The following LEO1 variants were observed in gnomAD, a reference collection of about 807,000 sequenced individuals.
LEO1 encodes RNA polymerase-associated protein LEO1.
Under a neutral mutation model 80.4 loss-of-function variants are expected in LEO1, and 34 were observed. That is an observed-to-expected ratio of 0.42 (90% CI 0.32 to 0.56). LEO1 has a LOEUF of 0.56. Among genes scored for constraint, LEO1 ranks in the 20% least tolerant of loss-of-function variants. The probability of loss-of-function intolerance (pLI) is 0.10; values close to 1 mark genes in which losing one functional copy is unlikely to be tolerated. For missense variants in LEO1, 631 were observed against 814.2 expected, an observed-to-expected ratio of 0.77 and a Z score of 2.74; for synonymous variants, 262 against 274.9, an observed-to-expected ratio of 0.95 and a Z score of 0.46.
rs3803365 is a variant in LEO1 at position 51,971,422 on chromosome 15, T to C, written c.58+266A>G. On this transcript the variant is annotated intron_variant, in intron 1 of 11. Transcript: ENST00000299601. ...CCGCGCTGCGCAGGCTCGCCTGCACTTCCACCCATGCCCCGCGCCCCTTTC... is the reference window on the plus strand; with the variant it reads ...CCGCGCTGCGCAGGCTCGCCTGCACCTCCACCCATGCCCCGCGCCCCTTTC... Among the ~76,000 whole-genome samples the C allele has an allele frequency of 0.02, 3,026 of 152,288 alleles. 105 individuals are homozygous for C. Among genetic ancestry groups the C allele is most frequent in the East Asian group, 0.074 (382 of 5,180 alleles).
chr15:51,942,340 T>TC (rs1000595696), intron 11 of LEO1, among the ~76,000 whole-genome samples: 17 of 152,054 alleles, frequency 1.1e-4, no homozygotes, highest in African/African-American at 4.1e-4. Flanking sequence ...AGGTGGCCAT[T>TC]CCCAAGAGGC....
intron 11 of LEO1, among the ~76,000 whole-genome samples, chr15:51,945,879 G>A (rs769617351): frequency 4.6e-5 from 7 of 151,542 alleles, no homozygotes; most frequent in Non-Finnish European, 8.8e-5. Flanking sequence ...CTAAAAATAC[G>A]AAAAATTAGC....
At chr15:51,961,352 AGGTGGT>A (rs367548538) in intron 3 of LEO1, among the ~76,000 whole-genome samples, 1 of 139,828 alleles carries the variant, frequency 7.2e-6, no homozygotes, top group Non-Finnish European at 1.5e-5. Context: ...TTATAATACC[AGGTGGT>A]GGTGGTGGTG....
At position 51,965,993 on chromosome 15, in the gene LEO1, A is replaced by G. The variant is rs750797948; in HGVS notation, c.570T>C (p.Asp190=). 1 of 1,614,048 alleles carries G rather than the reference A, an allele frequency of 6.2e-7. No homozygotes were observed. The highest frequency in any genetic ancestry group is 8.5e-7 in the Non-Finnish European group (1 of 1,180,018). Residue 190 remains aspartate (D), a synonymous_variant, in exon 2 of 12, where the codon GAT becomes GAC. Transcript: ENST00000299601. ...DDDEKMQNTD[D]EERPQLSDDE... Reference sequence around the variant, plus strand: ...CATCGGAAAGCTGAGGCCTCTCCTCATCATCTGTGTTCTGCATTTTCTCAT... The same window carrying G: ...CATCGGAAAGCTGAGGCCTCTCCTCGTCATCTGTGTTCTGCATTTTCTCAT...
At chr15:51,952,999 A>T in intron 8 of LEO1, 130 bp downstream of exon 8, 1 of 736,048 alleles carries the variant, frequency 1.4e-6, no homozygotes, top group South Asian at 2.0e-5. Flanking sequence ...CTTCAGAACT[A>T]TGCACAAGAT....
chr15:51,958,738 G>C lies in LEO1; in HGVS notation c.1245+4C>G. 1.3e-6 allele frequency: 2 copies of C among 1,546,590 alleles called. No homozygotes were observed. Among genetic ancestry groups the C allele is most frequent in the Non-Finnish European group, 1.8e-6 (2 of 1,130,642 alleles). ...AAAAAAAAGGAAAAAGCATGAAATG[G>C]TACCTTTAATTTTAACCTGGTTCTA... On this transcript the variant is annotated splice_donor_region_variant and intron_variant, in intron 6 of 11. Transcript: ENST00000299601.
At chr15:51,960,426 TC>T (rs1566885870) in intron 4 of LEO1, among the ~76,000 whole-genome samples, 1 of 152,126 alleles carries the variant, frequency 6.6e-6, no homozygotes, top group Non-Finnish European at 1.5e-5. Context: ...CACAGTTCAG[TC>T]CCCTAAGGCA....
intron 1 of LEO1, among the ~76,000 whole-genome samples, chr15:51,968,465 T>C (rs1396389071): frequency 6.7e-6 from 1 of 150,198 alleles, no homozygotes. Context: ...CCCTTAAACC[T>C]AGGAAGCGGA....
intron 1 of LEO1, among the ~76,000 whole-genome samples, chr15:51,969,538 G>T (rs891125029): frequency 7.9e-5 from 12 of 150,998 alleles, no homozygotes; most frequent in Non-Finnish European, 1.6e-4. Flanking sequence ...GGGAGGATAA[G>T]GGAGGAGAAT....
chr15:51,939,799 A>G (rs1391276232), intron 11 of LEO1, among the ~76,000 whole-genome samples: 1 of 152,214 alleles, frequency 6.6e-6, no homozygotes. Flanking sequence ...TGAATCACTA[A>G]AAGAACTAGC....
chr15:51,949,736 G>A lies in LEO1; in HGVS notation c.1798+72C>T, dbSNP rs57487460. On this transcript the variant is annotated intron_variant, in intron 10 of 11. Transcript: ENST00000299601. Reference sequence around the variant, plus strand: ...AAAAAAGTCCAGTGACTTGGCAGCCGGATTACATCTAATGCCAAGATGAAG... The same window carrying A: ...AAAAAAGTCCAGTGACTTGGCAGCCAGATTACATCTAATGCCAAGATGAAG... 2.0e-4 allele frequency: 252 copies of A among 1,241,818 alleles called. No homozygotes were observed. The Middle Eastern group carries it at 2.9e-3, about 14-fold the overall frequency. The allele number at this position is 1,241,818 out of a possible 1,614,324, so 76.9% of individuals were successfully genotyped here.
chr15:51,966,836 G>A (rs2554317), intron 1 of LEO1, among the ~76,000 whole-genome samples: 8,049 of 151,856 alleles, frequency 0.053, 512 homozygotes, highest in African/African-American at 0.14. Flanking sequence ...ACTTGAACCC[G>A]GGAGGCAGAA....
chr15:51,949,723 T>A lies in LEO1; in HGVS notation c.1798+85A>T, dbSNP rs114605801. ...TCAAAAAAAAAAAAAAAAAGTCCAG[T>A]GACTTGGCAGCCGGATTACATCTAA... On this transcript the variant is annotated intron_variant, in intron 10 of 11. Transcript: ENST00000299601. 2,102 of 1,092,918 alleles carry A rather than the reference T, an allele frequency of 1.9e-3. 21 individuals carry two copies. The African/African-American group carries it at 0.026, about 14-fold the overall frequency. 67.7% of individuals were successfully genotyped at this position (1,092,918 alleles called of 1,614,324 possible).
chr15:51,953,209 C>G lies in LEO1; in HGVS notation c.1395G>C (p.Gln465His). ...TTATAAAAAGATGATTGTGGTCGCC[C>G]TGCAGTGGGGCTTTGTACACATCAA... is the stretch of plus-strand genomic sequence containing the variant. ...EVFDVYKAPL[Q>H]GDHNHLFIRQ... Residue 465 changes from glutamine (Q) to histidine (H), a missense_variant, in exon 8 of 12, where the codon CAG (glutamine) becomes CAC (histidine). This residue lies in a region of LEO1 where 95 missense variants were observed against 171.7 expected (regional missense o/e 0.55). Transcript: ENST00000299601. 6.2e-7 allele frequency: 1 copy of G among 1,614,074 alleles called. No individual in the cohort carries two copies. The highest frequency in any genetic ancestry group is 2.2e-5 in the East Asian group (1 of 44,890).
At position 51,954,475 on chromosome 15, in the gene LEO1, G is replaced by A; in HGVS notation, c.1340+6C>T. 6.3e-7 allele frequency: 1 copy of A among 1,597,972 alleles called. No individual in the cohort carries two copies. The highest frequency in any genetic ancestry group is 8.6e-7 in the Non-Finnish European group (1 of 1,165,314). On this transcript the variant is annotated splice_donor_region_variant and intron_variant, in intron 7 of 11. Coordinates refer to ENST00000299601, the MANE Select transcript of LEO1 (RefSeq NM_138792.4). ...TGTCAATACCCTTCAGGCGTTTTGT[G>A]CTCACCTTCCATCTGACCACTTGAC...
intron 1 of LEO1, among the ~76,000 whole-genome samples, chr15:51,968,681 T>C (rs2057097825): frequency 6.6e-6 from 1 of 151,884 alleles, no homozygotes; most frequent in African/African-American, 2.4e-5. Context: ...ATACAAAAAT[T>C]AGCCAGGCGT....
chr15:51,968,539 AG>A (rs2057096439), intron 1 of LEO1, among the ~76,000 whole-genome samples: 1 of 151,902 alleles, frequency 6.6e-6, no homozygotes, highest in Non-Finnish European at 1.5e-5. Flanking sequence ...AAAAAAAAAA[AG>A]TAAGTGAAGG....
At position 51,947,253 on chromosome 15, in the gene LEO1, A is replaced by C. The variant is rs74946277; in HGVS notation, c.1896+39T>G. The C allele has an allele frequency of 2.3e-5, 32 of 1,377,026 alleles. No individual in the cohort carries two copies. In the East Asian group the frequency reaches 5.7e-4, roughly 25 times the overall value. 85.3% of individuals were successfully genotyped at this position (1,377,026 alleles called of 1,614,324 possible). ...CATTCAAAGCAGTTGGCTCCTGAGT[A>C]CAGGATAAACCCCTAGAATTGAATA... On this transcript the variant is annotated intron_variant, in intron 11 of 11. Transcript: ENST00000299601.
chr15:51,943,021 G>A (rs1004476900), intron 11 of LEO1, among the ~76,000 whole-genome samples: 1 of 151,874 alleles, frequency 6.6e-6, no homozygotes, highest in African/African-American at 2.4e-5. Context: ...GGGTGGTTGA[G>A]GTGAGAGGAT....
Sources: allele counts gnomAD v4.1 joint callset (sites outside exome capture counted in the v4.1 genomes callset), GRCh38; gene constraint gnomAD v4.1.1; regional missense constraint gnomAD v4.1.1; transcripts MANE v1.5; gene names NCBI Gene and HGNC (gene_info 2026-07-23, HGNC 2026-07-21).